MYH10: variants seen among roughly 807,000 people sequenced by gnomAD.
MYH10 encodes the protein myosin heavy chain 10, also known as myosin-10.
A neutral mutation model predicts 257.8 loss-of-function variants in MYH10; 55 were observed. The observed-to-expected ratio is 0.21, with a 90% CI of 0.17 to 0.27. MYH10 has a LOEUF of 0.27. Ranked by LOEUF, MYH10 falls within the 10% of genes least tolerant of loss-of-function variation. The pLI, the probability that MYH10 is intolerant of heterozygous loss-of-function variation, is 1.00. For synonymous variants in MYH10, 854 were observed against 921.7 expected (o/e 0.93, Z 1.33); for missense variants, 1,631 against 2,500.6 (o/e 0.65, Z 7.42).
At chr17:8,491,504 A>G (rs915982618) in intron 34 of MYH10, among the ~76,000 whole-genome samples, 2 of 152,252 alleles carry the variant, frequency 1.3e-5, no homozygotes, top group Admixed American at 1.3e-4. Context: ...GATGGCCCAT[A>G]GCACATGAAA....
chr17:8,586,118 G>A (rs574571864), intron 4 of MYH10, among the ~76,000 whole-genome samples: 5 of 152,228 alleles, frequency 3.3e-5, no homozygotes, highest in Admixed American at 1.3e-4. Flanking sequence ...CTTTAGCACC[G>A]AACAGAGTGA....
intron 3 of MYH10, among the ~76,000 whole-genome samples, chr17:8,599,288 C>T (rs142847942): frequency 6.6e-6 from 1 of 152,286 alleles, no homozygotes; most frequent in African/African-American, 2.4e-5. Context: ...TGCATACATA[C>T]ATTTTTCAAT....
At chr17:8,560,398 G>C (rs531880885) in intron 7 of MYH10, 1 of 298,546 alleles carries the variant, frequency 3.3e-6, no homozygotes, top group East Asian at 7.1e-5. Flanking sequence ...AAATAGGAAA[G>C]GAAGTTAGGT....
In MYH10 at chr17:8,481,272, G is replaced by T. The variant is rs760133543; in HGVS notation, c.5264+50C>A. On this transcript the variant is annotated intron_variant, in intron 38 of 42. Coordinates refer to ENST00000360416, the MANE Select transcript of MYH10 (RefSeq NM_001256012.3). Reference sequence around the variant, plus strand: ...GTGGACACCTCCAGCCTTCTCAGCAGTGCGCGTGCCTGAGGGCGAAGAACC... The same window carrying T: ...GTGGACACCTCCAGCCTTCTCAGCATTGCGCGTGCCTGAGGGCGAAGAACC... 3.7e-5 allele frequency: 58 copies of T among 1,566,676 alleles called. No individual in the cohort carries two copies. In the Middle Eastern group the frequency reaches 2.9e-3, roughly 78 times the overall value.
chr17:8,519,997 T>C (rs2151901071), intron 19 of MYH10, among the ~76,000 whole-genome samples: 2 of 152,252 alleles, frequency 1.3e-5, no homozygotes, highest in Admixed American at 1.3e-4. Context: ...AAGACTGTAA[T>C]TGCACGCATG....
intron 3 of MYH10, among the ~76,000 whole-genome samples, chr17:8,600,309 T>A (rs2152069348): frequency 6.6e-6 from 1 of 152,208 alleles, no homozygotes; most frequent in Admixed American, 6.5e-5. Flanking sequence ...AGGGTGTTGT[T>A]AACATATAGG....
At chr17:8,483,520 T>C (rs1230908317) in intron 37 of MYH10, among the ~76,000 whole-genome samples, 2 of 152,278 alleles carry the variant, frequency 1.3e-5, no homozygotes, top group Admixed American at 1.3e-4. Flanking sequence ...GTGTTTGTAT[T>C]GGGAGTTTTT....
intron 21 of MYH10, among the ~76,000 whole-genome samples, chr17:8,515,093 T>C (rs751537419): frequency 2.6e-5 from 4 of 152,100 alleles, no homozygotes; most frequent in Non-Finnish European, 5.9e-5. Flanking sequence ...CACAACCAAG[T>C]GACCGACAGA....
chr17:8,605,787 C>A (rs2084776023), intron 2 of MYH10, among the ~76,000 whole-genome samples: 1 of 152,110 alleles, frequency 6.6e-6, no homozygotes, highest in Non-Finnish European at 1.5e-5. Context: ...AACCACTCTT[C>A]TTTTTTTCCA....
rs760384598 is a variant in MYH10 at position 8,475,784 on chromosome 17, T to G, written c.*20A>C. Reference sequence around the variant, plus strand: ...TTCCTAACTGTCCCACTGTATTGCCTCCTCTGGCTTCCTGCAACTTTACTC... The same window carrying G: ...TTCCTAACTGTCCCACTGTATTGCCGCCTCTGGCTTCCTGCAACTTTACTC... On this transcript the variant is annotated 3_prime_UTR_variant, in exon 43 of 43. Coordinates refer to ENST00000360416, the MANE Select transcript of MYH10 (RefSeq NM_001256012.3). The G allele has an allele frequency of 2.5e-5, 41 of 1,612,312 alleles. No homozygotes were observed. Among genetic ancestry groups the G allele is most frequent in the Non-Finnish European group, 3.1e-5 (36 of 1,178,968 alleles).
chr17:8,483,403 A>G (rs951455489), intron 37 of MYH10, among the ~76,000 whole-genome samples: 3 of 152,188 alleles, frequency 2.0e-5, no homozygotes, highest in African/African-American at 2.4e-5. Context: ...CTCCGTGTTT[A>G]CTGATCTGGT....
At position 8,475,720 on chromosome 17, in the gene MYH10, C is replaced by T; in HGVS notation, c.*84G>A. 1.3e-6 allele frequency: 2 copies of T among 1,491,072 alleles called. No homozygotes were observed. The highest frequency in any genetic ancestry group is 3.8e-5 in the Admixed American group (2 of 53,046). 92.4% of individuals were successfully genotyped at this position (1,491,072 alleles called of 1,614,324 possible). A position where few individuals can be genotyped will look rare whatever the true frequency, so the allele number is the denominator to read the frequency against. On this transcript the variant is annotated 3_prime_UTR_variant, in exon 43 of 43. Transcript: ENST00000360416. ...GATCTTTCAGGAAGGAATCCCGTAG[C>T]TTGCCAATTTCCGAAATCTGCAGGA...
intron 7 of MYH10, chr17:8,561,688 T>C: frequency 4.8e-6 from 3 of 625,556 alleles, no homozygotes; most frequent in South Asian, 1.9e-5. Flanking sequence ...AGGTGAGCTG[T>C]AGAGAAATGT....
chr17:8,524,449 C>CAAAAAAAAAAAAAAAAAAAA (rs541255427), intron 17 of MYH10, among the ~76,000 whole-genome samples: 1 of 62,128 alleles, frequency 1.6e-5, no homozygotes, highest in African/African-American at 6.6e-5. Flanking sequence ...GACTCTGTCT[C>CAAAAAAAAAAAAAAAAAAAA]AAAAAAAAAA....
chr17:8,512,563 T>C lies in MYH10; in HGVS notation c.2840A>G (p.Lys947Arg). 1 of 1,613,906 alleles carries C rather than the reference T, an allele frequency of 6.2e-7. No homozygotes were observed. The highest frequency in any genetic ancestry group is 2.2e-5 in the East Asian group (1 of 44,846). Residue 947 changes from lysine to arginine, a missense_variant, in exon 24 of 43, where the codon AAA becomes AGA. This residue lies in a region of MYH10 where 116 missense variants were observed against 221.6 expected (regional missense o/e 0.52). Coordinates refer to ENST00000360416, the MANE Select transcript of MYH10 (RefSeq NM_001256012.3). The stretch of plus-strand genomic sequence containing the variant: ...TAGAATCTCTTCTAATTCCTGCTTT[T>C]TAGCAGCAAGTCTTGCCCTCATCTC... ...AEEMRARLAA[K>R]KQELEEILHD...
chr17:8,521,088 G>A lies in MYH10; in HGVS notation c.2151+4C>T, dbSNP rs745649522. On this transcript the variant is annotated splice_donor_region_variant and intron_variant, in intron 18 of 42. Transcript: ENST00000360416. Reference sequence around the variant, plus strand: ...TACTAGCATATGTTTTGCTCAGCACGTACCCTCTTCTCGTGATTTGGAATG... The same window carrying A: ...TACTAGCATATGTTTTGCTCAGCACATACCCTCTTCTCGTGATTTGGAATG... 102 of 1,613,994 alleles carry A rather than the reference G, an allele frequency of 6.3e-5. No individual in the cohort carries two copies. The highest frequency in any genetic ancestry group is 9.9e-5 in the South Asian group (9 of 91,086).
intron 17 of MYH10, among the ~76,000 whole-genome samples, chr17:8,527,116 G>A (rs529806462): frequency 2.4e-4 from 36 of 152,234 alleles, no homozygotes; most frequent in African/African-American, 7.9e-4. Context: ...TTATGAATTC[G>A]CAGAAACGAT....
intron 7 of MYH10, among the ~76,000 whole-genome samples, chr17:8,565,054 CTTTTA>C (rs907971047): frequency 9.2e-5 from 14 of 152,052 alleles, no homozygotes; most frequent in South Asian, 2.1e-4. Flanking sequence ...TTTGCTATTG[CTTTTA>C]TTTTAAGTTT....
chr17:8,552,241 T>C lies in MYH10; in HGVS notation c.821-97A>G. Reference sequence around the variant, plus strand: ...CTGTAAATTTAAATCATAAAACATCTTCTTTCTCTGATTATTATATAAACT... The same window carrying C: ...CTGTAAATTTAAATCATAAAACATCCTCTTTCTCTGATTATTATATAAACT... On this transcript the variant is annotated intron_variant, in intron 8 of 42. Coordinates refer to ENST00000360416, the MANE Select transcript of MYH10 (RefSeq NM_001256012.3). The surrounding 1 kb of genome is among the most constrained non-coding windows in gnomAD (Gnocchi z 4.8). 1 of 515,138 alleles carries C rather than the reference T, an allele frequency of 1.9e-6. No individual in the cohort carries two copies. The highest frequency in any genetic ancestry group is 3.2e-6 in the Non-Finnish European group (1 of 307,722). The allele number at this position is 515,138 out of a possible 1,614,324, so 31.9% of individuals were successfully genotyped here.
Sources: allele counts gnomAD v4.1 joint callset (sites outside exome capture counted in the v4.1 genomes callset), GRCh38; gene constraint gnomAD v4.1.1; regional missense constraint gnomAD v4.1.1; non-coding constraint Gnocchi (gnomAD v3.1); transcripts MANE v1.5; gene names NCBI Gene and HGNC (gene_info 2026-07-23, HGNC 2026-07-21).